Variants in CMC2 observed in about 807,000 individuals in gnomAD.
CMC2 encodes the protein C-X9-C motif containing 2.
Under a neutral mutation model 7.5 loss-of-function variants are expected in CMC2, and 5 were observed. That is an observed-to-expected ratio of 0.66 (90% CI 0.35 to 1.40). The LOEUF is 1.40. Ranked by LOEUF, CMC2 falls within the 40% of genes most tolerant of loss-of-function variation. CMC2 has a pLI of 0.04. For synonymous variants in CMC2, 37 were observed against 31.4 expected (o/e 1.18, Z -0.60); for missense variants, 115 against 92.3 (o/e 1.25, Z -1.01).
intron 2 of CMC2, chr16:80,983,517 A>G (rs1967289466): frequency 6.6e-6 from 1 of 152,234 alleles, no homozygotes; most frequent in Non-Finnish European, 1.5e-5. Flanking sequence ...ATCACAGCAC[A>G]ATCCATTCTC....
chr16:80,992,705 C>CTTTTT (rs71390989), intron 2 of CMC2, among the ~76,000 whole-genome samples: 1,716 of 92,284 alleles, frequency 0.019, 99 homozygotes, highest in African/African-American at 0.057. Context: ...ATTCCCCCTC[C>CTTTTT]TTTTTTTTTT....
chr16:80,987,932 T>C (rs186636582), intron 2 of CMC2, among the ~76,000 whole-genome samples: 2 of 152,120 alleles, frequency 1.3e-5, no homozygotes, highest in African/African-American at 4.8e-5. Context: ...TCCCAGCACT[T>C]TGGGAGGCCA....
At chr16:81,003,279 G>A (rs562003023) in intron 1 of CMC2, among the ~76,000 whole-genome samples, 1 of 152,294 alleles carries the variant, frequency 6.6e-6, no homozygotes, top group South Asian at 2.1e-4. Flanking sequence ...TTAACAAACT[G>A]AAGAAACGCT....
chr16:80,992,846 G>T (rs532847606), intron 2 of CMC2, among the ~76,000 whole-genome samples: 1 of 151,426 alleles, frequency 6.6e-6, no homozygotes, highest in East Asian at 1.9e-4. Context: ...CATGTGCCAT[G>T]CCCGGCCACT....
chr16:80,986,491 T>A (rs1236456981), intron 2 of CMC2, among the ~76,000 whole-genome samples: 2 of 151,602 alleles, frequency 1.3e-5, no homozygotes, highest in East Asian at 1.9e-4. Context: ...ATTAAACTTA[T>A]TTTTGAAAGA....
intron 3 of CMC2, among the ~76,000 whole-genome samples, chr16:80,978,780 C>T (rs562860145): frequency 6.6e-6 from 1 of 151,842 alleles, no homozygotes; most frequent in African/African-American, 2.4e-5. Context: ...TACCCTTTTT[C>T]TACTTAAAAG....
rs1452675699 is a variant in CMC2 at position 81,006,789 on chromosome 16, G to A, written c.-91C>T. The A allele has an allele frequency of 1.7e-5, 17 of 985,592 alleles. No individual in the cohort carries two copies. Among genetic ancestry groups the A allele is most frequent in the East Asian group, 2.3e-4 (2 of 8,810 alleles). 61.1% of individuals were successfully genotyped at this position (985,592 alleles called of 1,614,324 possible). On this transcript the variant is annotated 5_prime_UTR_variant, in exon 1 of 4. Coordinates refer to ENST00000219400, the MANE Select transcript of CMC2 (RefSeq NM_020188.5). Reference sequence around the variant, plus strand: ...GCGGCAGTAGCCGGCGGAGACGCCCGACCCGAAGGCCGGCTGCTAGGGAGC... The same window carrying A: ...GCGGCAGTAGCCGGCGGAGACGCCCAACCCGAAGGCCGGCTGCTAGGGAGC...
At chr16:80,985,080 G>A (rs887326542) in intron 2 of CMC2, among the ~76,000 whole-genome samples, 1 of 152,170 alleles carries the variant, frequency 6.6e-6, no homozygotes, top group African/African-American at 2.4e-5. Context: ...CAGGGACACA[G>A]AAGTGAGCAA....
intron 3 of CMC2, chr16:80,980,737 T>G (rs945075025): frequency 1.5e-6 from 1 of 662,484 alleles, no homozygotes; most frequent in Non-Finnish European, 2.7e-6. Context: ...CAAAAAAATG[T>G]GTAAAACCTT....
intron 2 of CMC2, among the ~76,000 whole-genome samples, chr16:80,995,043 G>A (rs984070919): frequency 6.6e-6 from 1 of 152,126 alleles, no homozygotes; most frequent in East Asian, 1.9e-4. Flanking sequence ...CTCCTCAAGA[G>A]GCTGAGGCAG....
intron 2 of CMC2, among the ~76,000 whole-genome samples, chr16:80,992,534 G>A (rs942064907): frequency 6.6e-6 from 1 of 151,926 alleles, no homozygotes; most frequent in Non-Finnish European, 1.5e-5. Flanking sequence ...GTTTAATTTG[G>A]CCCCCCTGCA....
chr16:80,990,102 CT>C (rs35670760), intron 2 of CMC2, among the ~76,000 whole-genome samples: 98,203 of 151,096 alleles, frequency 0.65, 33,652 homozygotes, highest in South Asian at 0.8. Context: ...TTTTCATTCC[CT>C]CCCCTTTTTT....
Position 80,970,218 on chromosome 16 carries a change from G to A in CMC2, c.*5875C>T, listed in dbSNP as rs1911823124. 6.6e-6 allele frequency: 1 copy of A among 152,158 alleles called. No homozygotes were observed. The highest frequency in any genetic ancestry group is 1.9e-4 in the East Asian group (1 of 5,200). The allele number at this position is 152,158 out of a possible 1,614,324, so 9.4% of individuals were successfully genotyped here. A position where few individuals can be genotyped will look rare whatever the true frequency, so the allele number is the denominator to read the frequency against. ...TCTATAACCCCACCATTTCTGCTCT[G>A]ATCCATACCAGAAAATGGATGCTTC... On this transcript the variant is annotated 3_prime_UTR_variant, in exon 4 of 4. Coordinates refer to ENST00000219400, the MANE Select transcript of CMC2 (RefSeq NM_020188.5).
chr16:80,989,179 A>T (rs1033201096), intron 2 of CMC2, among the ~76,000 whole-genome samples: 1 of 152,324 alleles, frequency 6.6e-6, no homozygotes, highest in East Asian at 1.9e-4. Context: ...TAACTATCCA[A>T]TTATTTCCTC....
chr16:80,995,684 G>A (rs1968361648), intron 2 of CMC2, among the ~76,000 whole-genome samples: 2 of 152,056 alleles, frequency 1.3e-5, no homozygotes, highest in African/African-American at 2.4e-5. Flanking sequence ...ACGATGTAGT[G>A]TAAATTTCTA....
intron 2 of CMC2, chr16:80,991,706 G>C (rs1968007442): frequency 3.8e-6 from 1 of 265,570 alleles, no homozygotes; most frequent in South Asian, 3.7e-5. Context: ...AACATTAACA[G>C]TGATAAATTA....
chr16:80,988,584 T>G (rs558516453), intron 2 of CMC2: 2 of 675,666 alleles, frequency 3.0e-6, no homozygotes, highest in Non-Finnish European at 5.4e-6. Context: ...GTTGCAGATA[T>G]GATGCACGTT....
intron 2 of CMC2, among the ~76,000 whole-genome samples, chr16:80,995,049 G>A (rs1479151719): frequency 6.6e-6 from 1 of 152,190 alleles, no homozygotes; most frequent in Admixed American, 6.5e-5. Flanking sequence ...AAGAGGCTGA[G>A]GCAGGAGAAT....
intron 2 of CMC2, among the ~76,000 whole-genome samples, chr16:80,992,986 C>T (rs185569561): frequency 1.3e-5 from 2 of 152,246 alleles, no homozygotes; most frequent in East Asian, 3.9e-4. Flanking sequence ...CTTACTTAGG[C>T]ACACTTTCCC....
Sources: allele counts gnomAD v4.1 joint callset (sites outside exome capture counted in the v4.1 genomes callset), GRCh38; gene constraint gnomAD v4.1.1; transcripts MANE v1.5; gene names NCBI Gene and HGNC (gene_info 2026-07-23, HGNC 2026-07-21).